The following SLCO1A2 variants were observed in gnomAD, a reference collection of about 807,000 sequenced individuals.
SLCO1A2 encodes solute carrier organic anion transporter family member 1A2, also known as OATP-1.
Under a neutral mutation model 69.0 loss-of-function variants are expected in SLCO1A2, and 67 were observed. The observed-to-expected ratio is 0.97, with a 90% CI of 0.80 to 1.19. The LOEUF (loss-of-function observed/expected upper bound fraction) is 1.19. SLCO1A2 is among the 50% of genes most tolerant of loss of function. SLCO1A2 has a pLI of 0.00. For synonymous variants in SLCO1A2, 260 were observed against 265.9 expected (o/e 0.98, Z 0.22); for missense variants, 787 against 793.7 (o/e 0.99, Z 0.10).
upstream of SLCO1A2, among the ~76,000 whole-genome samples, chr12:21,339,294 C>T (rs1401251073): frequency 6.6e-6 from 1 of 151,926 alleles, no homozygotes; most frequent in Non-Finnish European, 1.5e-5. Context: ...ATGATGATAG[C>T]TAGTTAGTGC....
At chr12:21,414,019 C>T (rs754271668) in intron 1 of SLCO1A2, among the ~76,000 whole-genome samples, 1 of 152,146 alleles carries the variant, frequency 6.6e-6, no homozygotes, top group Admixed American at 6.6e-5. Context: ...AAATTAGTTA[C>T]CTATAGATTT....
chr12:21,309,655 C>T (rs995207568), intron 4 of SLCO1A2, among the ~76,000 whole-genome samples: 1 of 152,016 alleles, frequency 6.6e-6, no homozygotes, highest in Non-Finnish European at 1.5e-5. Flanking sequence ...TTATATTTCT[C>T]TTGTATACTT....
upstream of SLCO1A2, among the ~76,000 whole-genome samples, chr12:21,398,458 T>C (rs1402954232): frequency 7.0e-6 from 1 of 143,480 alleles, no homozygotes; most frequent in Non-Finnish European, 1.6e-5. Flanking sequence ...AAGGAGGAAC[T>C]GGTACCATTC....
intron 2 of SLCO1A2, among the ~76,000 whole-genome samples, chr12:21,322,751 GC>G (rs550582537): frequency 3.3e-5 from 5 of 152,086 alleles, no homozygotes; most frequent in Non-Finnish European, 7.4e-5. Context: ...GGCATGTCTG[GC>G]CCACCCCTCC....
In SLCO1A2 at chr12:21,269,581, A is replaced by G; in HGVS notation, c.1980T>C (p.Val660=). 6.2e-7 allele frequency: 1 copy of G among 1,612,006 alleles called. No homozygotes were observed. ...ECKDIYQKST[V]LKDDELKTKL ...TAGTTTTCAATTCATCATCTTTCAA[A>G]ACCGTGGACTTTTGGTATATATCTT... The change falls in exon 15 of 15, where the codon GTT becomes GTC. Residue 660 remains valine (V), a synonymous_variant. Transcript: ENST00000683939.
At chr12:21,406,204 G>A (rs564192978) in intron 1 of SLCO1A2, among the ~76,000 whole-genome samples, 14 of 152,306 alleles carry the variant, frequency 9.2e-5, no homozygotes, top group East Asian at 1.9e-4. Flanking sequence ...GTGTGTATGC[G>A]TGCATGCACG....
chr12:21,274,103 C>T lies in SLCO1A2; in HGVS notation c.1793+366G>A, dbSNP rs564251037. The T allele has an allele frequency of 2.6e-4, 40 of 156,472 alleles. No individual in the cohort carries two copies. The East Asian group carries it at 5.9e-3, about 23-fold the overall frequency. The allele number at this position is 156,472 out of a possible 1,614,324, so 9.7% of individuals were successfully genotyped here. A position where few individuals can be genotyped will look rare whatever the true frequency, so the allele number is the denominator to read the frequency against. On this transcript the variant is annotated intron_variant, in intron 14 of 14. Transcript: ENST00000683939. ...GTGAGAGGAAGTGAGGCTTCAGACT[C>T]GTGAGATGATGAAATCATGCAGGAT...
intron 2 of SLCO1A2, among the ~76,000 whole-genome samples, chr12:21,349,953 C>T (rs1591869695): frequency 6.6e-6 from 1 of 152,312 alleles, no homozygotes; most frequent in East Asian, 1.9e-4. Flanking sequence ...CTGCCTTGCT[C>T]ACCTCTCAAT....
chr12:21,292,557 A>G (rs1947039467), intron 11 of SLCO1A2, among the ~76,000 whole-genome samples: 1 of 152,028 alleles, frequency 6.6e-6, no homozygotes, highest in African/African-American at 2.4e-5. Context: ...TGTAATAACT[A>G]ATAAGTTACC....
At chr12:21,390,352 T>C (rs895954803) in intron 1 of SLCO1A2, among the ~76,000 whole-genome samples, 2 of 152,120 alleles carry the variant, frequency 1.3e-5, no homozygotes, top group Non-Finnish European at 2.9e-5. Flanking sequence ...TTAAACAGTG[T>C]CTAATGTCCA....
intron 2 of SLCO1A2, among the ~76,000 whole-genome samples, chr12:21,365,801 C>T (rs1355095092): frequency 6.6e-6 from 1 of 152,150 alleles, no homozygotes; most frequent in Admixed American, 6.5e-5. Context: ...TGAAAAAATG[C>T]TCATCATCAC....
intron 1 of SLCO1A2, among the ~76,000 whole-genome samples, chr12:21,402,289 C>T (rs971888612): frequency 2.0e-5 from 3 of 151,668 alleles, no homozygotes; most frequent in Non-Finnish European, 4.4e-5. Flanking sequence ...AGCTTTATAA[C>T]CCTAATGTAA....
rs1942113252 is a variant in SLCO1A2, at chr12:21,266,833, A to G, written c.*2715T>C. 6.6e-6 allele frequency: 1 copy of G among 152,154 alleles called. No individual in the cohort carries two copies. The highest frequency in any genetic ancestry group is 6.5e-5 in the Admixed American group (1 of 15,270). 9.4% of individuals were successfully genotyped at this position (152,154 alleles called of 1,614,324 possible). ...AAATAAAACCATAGGTGGATTCACA[A>G]AGAAACTGTGTAAGCATCTGTAAAT... On this transcript the variant is annotated 3_prime_UTR_variant, in exon 15 of 15. Transcript: ENST00000683939.
Position 21,334,661 on chromosome 12 carries a change from G to A in SLCO1A2, c.-14C>T. 1.2e-6 allele frequency: 2 copies of A among 1,604,088 alleles called. No homozygotes were observed. ...AGTTTCTCCCATGTTGCTCTTCAGGGTGTTCCAAGCTATTTATGTTTTAAA... is the reference window on the plus strand; with the variant it reads ...AGTTTCTCCCATGTTGCTCTTCAGGATGTTCCAAGCTATTTATGTTTTAAA... On this transcript the variant is annotated 5_prime_UTR_variant, in exon 2 of 15. Transcript: ENST00000683939.
At chr12:21,344,501 T>C (rs1953190053) in intron 2 of SLCO1A2, among the ~76,000 whole-genome samples, 1 of 151,996 alleles carries the variant, frequency 6.6e-6, no homozygotes, top group South Asian at 2.1e-4. Flanking sequence ...CCCAGTTAGA[T>C]ATATATTTTA....
At position 21,269,660 on chromosome 12, in the gene SLCO1A2, G is replaced by T. The variant is rs754724176; in HGVS notation, c.1901C>A (p.Ser634Tyr). ...RKCHLPGENA[S>Y]SGTELIETKV... The stretch of plus-strand genomic sequence containing the variant: ...TGTCTCTATAAGCTCTGTTCCTGAA[G>T]AGGCATTTTCACCAGGTAGATGACA... Residue 634 changes from serine to tyrosine, a missense_variant, in exon 15 of 15, where the codon TCT (serine) becomes TAT (tyrosine). Transcript: ENST00000683939. 6.2e-7 allele frequency: 1 copy of T among 1,612,590 alleles called. No homozygotes were observed. Among genetic ancestry groups the T allele is most frequent in the Non-Finnish European group, 8.5e-7 (1 of 1,179,062 alleles).
chr12:21,381,652 C>T (rs1478793064), intron 1 of SLCO1A2, among the ~76,000 whole-genome samples: 11 of 151,838 alleles, frequency 7.2e-5, no homozygotes, highest in African/African-American at 2.7e-4. Flanking sequence ...AAAAATTAGC[C>T]GGGCATGGTG....
At chr12:21,272,999 T>TACAAG (rs1336242130) in intron 14 of SLCO1A2, among the ~76,000 whole-genome samples, 1 of 152,152 alleles carries the variant, frequency 6.6e-6, no homozygotes, top group Non-Finnish European at 1.5e-5. Flanking sequence ...TAACAGAAGA[T>TACAAG]ACAAGACTCA....
At chr12:21,358,582 T>C (rs1244813543) in intron 2 of SLCO1A2, among the ~76,000 whole-genome samples, 3 of 152,162 alleles carry the variant, frequency 2.0e-5, no homozygotes, top group African/African-American at 7.2e-5. Context: ...TCATCATATA[T>C]AGATAATTTT....
Sources: allele counts gnomAD v4.1 joint callset (sites outside exome capture counted in the v4.1 genomes callset), GRCh38; gene constraint gnomAD v4.1.1; transcripts MANE v1.5; gene names NCBI Gene and HGNC (gene_info 2026-07-23, HGNC 2026-07-21).